The following ZBTB7C variants were observed in gnomAD, a reference collection of about 807,000 sequenced individuals.
ZBTB7C encodes zinc finger and BTB domain-containing protein 7C.
ZBTB7C carries 8 observed loss-of-function variants against 25.7 expected under a neutral mutation model. The observed-to-expected ratio is 0.31, with a 90% CI of 0.18 to 0.56. The LOEUF is 0.56. ZBTB7C is among the 20% of genes least tolerant of loss of function. ZBTB7C has a pLI of 0.91. For synonymous variants in ZBTB7C, 394 were observed against 369.0 expected (o/e 1.07, Z -0.78); for missense variants, 824 against 855.2 (o/e 0.96, Z 0.46).
intron 3 of ZBTB7C, among the ~76,000 whole-genome samples, chr18:48,102,194 A>G (rs984063390): frequency 5.3e-5 from 8 of 152,174 alleles, no homozygotes; most frequent in African/African-American, 7.2e-5. Flanking sequence ...GTCATCATCA[A>G]AATGCCATGC....
Position 48,265,422 on chromosome 18 carries a change from T to C in ZBTB7C, c.-79+72752A>G, listed in dbSNP as rs75935802. Among the ~76,000 whole-genome samples, 378 of 152,346 alleles carry C rather than the reference T, an allele frequency of 2.5e-3. 5 individuals carry two copies. Among genetic ancestry groups the C allele is most frequent in the East Asian group, 0.022 (113 of 5,182 alleles). On this transcript the variant is annotated intron_variant, in intron 2 of 4. Transcript: ENST00000590800. Reference sequence around the variant, plus strand: ...TGAAGCTAGAACACGGGAGTTCAAGTCTTGGTTCATCTCGGATTTTCGCTT... The same window carrying C: ...TGAAGCTAGAACACGGGAGTTCAAGCCTTGGTTCATCTCGGATTTTCGCTT...
intron 2 of ZBTB7C, among the ~76,000 whole-genome samples, chr18:48,235,990 G>A (rs2043368995): frequency 6.6e-6 from 1 of 152,154 alleles, no homozygotes; most frequent in African/African-American, 2.4e-5. Flanking sequence ...AAAATCCTCA[G>A]CCATTTTCTC....
chr18:48,251,957 G>A (rs560317652), intron 2 of ZBTB7C, among the ~76,000 whole-genome samples: 8 of 152,170 alleles, frequency 5.3e-5, no homozygotes, highest in East Asian at 3.9e-4. Flanking sequence ...GTGTGTCCAC[G>A]CTCTCAATTT....
intron 1 of ZBTB7C, among the ~76,000 whole-genome samples, chr18:48,349,451 C>T (rs578065422): frequency 6.6e-6 from 1 of 152,172 alleles, no homozygotes; most frequent in East Asian, 1.9e-4. Context: ...TATGTTCTGT[C>T]CTGTTGAGAT....
intron 2 of ZBTB7C, among the ~76,000 whole-genome samples, chr18:48,337,592 C>T (rs900468855): frequency 1.3e-5 from 2 of 152,372 alleles, no homozygotes; most frequent in Non-Finnish European, 2.9e-5. Context: ...CTCATTACCT[C>T]ATCCACCTTT....
intron 2 of ZBTB7C, among the ~76,000 whole-genome samples, chr18:48,258,844 G>A (rs1006987545): frequency 2.6e-5 from 4 of 152,062 alleles, no homozygotes; most frequent in African/African-American, 9.7e-5. Flanking sequence ...TTTTAGTAGA[G>A]ACGGGTTTTG....
chr18:48,336,033 A>C (rs2046450194), intron 2 of ZBTB7C, among the ~76,000 whole-genome samples: 1 of 152,154 alleles, frequency 6.6e-6, no homozygotes, highest in African/African-American at 2.4e-5. Flanking sequence ...GTTGGAAGAC[A>C]AGGAGTCAAG....
In ZBTB7C at chr18:48,271,100, A is replaced by C. The variant is rs570788213; in HGVS notation, c.-79+67074T>G. 3.3e-5 allele frequency among the ~76,000 whole-genome samples: 5 copies of C among 152,312 alleles called. No individual in the cohort carries two copies. The East Asian group carries it at 9.6e-4, about 29-fold the overall frequency. ...CACAAACAAAACCAAGCTGATAAAA[A>C]TCTGCACCTCCCTCCTCAAAGGCAC... is the stretch of plus-strand genomic sequence containing the variant. On this transcript the variant is annotated intron_variant, in intron 2 of 4. Transcript: ENST00000590800.
intron 1 of ZBTB7C, among the ~76,000 whole-genome samples, chr18:48,358,289 T>C (rs1216427302): frequency 6.6e-6 from 1 of 151,902 alleles, no homozygotes; most frequent in Non-Finnish European, 1.5e-5. Context: ...GAGGTGGAGG[T>C]TGCAATGGGC....
chr18:48,050,865 A>G (rs2144243946), intron 3 of ZBTB7C, among the ~76,000 whole-genome samples: 1 of 152,248 alleles, frequency 6.6e-6, no homozygotes, highest in South Asian at 2.1e-4. Flanking sequence ...GTTGAGCTTT[A>G]CTTTCAGGAA....
intron 3 of ZBTB7C, among the ~76,000 whole-genome samples, chr18:48,086,485 C>G (rs1461291853): frequency 6.6e-6 from 1 of 152,208 alleles, no homozygotes; most frequent in African/African-American, 2.4e-5. Flanking sequence ...GTTTCCCTAA[C>G]ACCCCGTGTA....
chr18:48,138,050 TG>T (rs2040228603), intron 3 of ZBTB7C, among the ~76,000 whole-genome samples: 1 of 152,226 alleles, frequency 6.6e-6, no homozygotes, highest in Admixed American at 6.5e-5. Context: ...TTCTCAGAAA[TG>T]GGGGAAGCGC....
chr18:48,395,068 G>C (rs531859967), intron 1 of ZBTB7C, among the ~76,000 whole-genome samples: 5 of 152,064 alleles, frequency 3.3e-5, no homozygotes, highest in African/African-American at 9.6e-5. Flanking sequence ...ATCAGGAAGG[G>C]TCACTAAGCT....
chr18:48,234,241 T>C (rs2043322874), intron 2 of ZBTB7C, among the ~76,000 whole-genome samples: 1 of 152,184 alleles, frequency 6.6e-6, no homozygotes, highest in Non-Finnish European at 1.5e-5. Flanking sequence ...CGTTATTATA[T>C]ACTATACCAT....
At chr18:48,201,426 A>AC (rs2042444780) in intron 2 of ZBTB7C, among the ~76,000 whole-genome samples, 1 of 152,078 alleles carries the variant, frequency 6.6e-6, no homozygotes, top group African/African-American at 2.4e-5. Context: ...TCTGATGTCC[A>AC]TTCCTGTGAT....
Position 48,161,690 on chromosome 18 carries a change from T to TGCCCGGCCCG in ZBTB7C, c.-17+24234_-17+24243dup, listed in dbSNP as rs1257087477. On this transcript the variant is annotated intron_variant, in intron 3 of 4. Transcript: ENST00000590800. ...CCCCTTCCTGCAGCGTTCACTCGGC[T>TGCCCGGCCCG]GCCCGGCCCGGCCCGGCCCGGGCGC... is the stretch of plus-strand genomic sequence containing the variant. 9.3e-5 allele frequency among the ~76,000 whole-genome samples: 13 copies of TGCCCGGCCCG among 140,364 alleles called. No individual in the cohort carries two copies. In the East Asian group the frequency reaches 9.8e-4, roughly 11 times the overall value. The allele number at this position is 140,364 out of a possible 152,430, so 92.1% of individuals were successfully genotyped here. A position where few individuals can be genotyped will look rare whatever the true frequency, so the allele number is the denominator to read the frequency against.
rs756378088 is a variant in ZBTB7C at position 48,041,060 on chromosome 18, G to A, written c.48C>T (p.His16=). The A allele has an allele frequency of 2.7e-5, 44 of 1,610,400 alleles. 1 individual carries two copies. In the Admixed American group the frequency reaches 6.8e-4, roughly 25 times the overall value. The change falls in exon 4 of 5, where the codon CAC becomes CAT. Residue 16 remains histidine (H), a synonymous_variant. Coordinates refer to ENST00000590800, the MANE Select transcript of ZBTB7C (RefSeq NM_001318841.2). ...TGAGGCTGCACAGGACCTCACTGCT[G>A]TGGTTGGGGAAGGGAATGCCAATGA... ...DELIGIPFPN[H]SSEVLCSLNE...
chr18:48,088,251 G>A (rs59683241), intron 3 of ZBTB7C: 1 of 152,232 alleles, frequency 6.6e-6, no homozygotes, highest in Admixed American at 6.5e-5. Context: ...ATAGACTCCA[G>A]TTACCTTGGC....
chr18:48,350,352 T>C (rs1007528662), intron 1 of ZBTB7C, among the ~76,000 whole-genome samples: 5 of 152,204 alleles, frequency 3.3e-5, no homozygotes, highest in African/African-American at 1.2e-4. Context: ...GCTAGAAGCA[T>C]AGCATCTCTC....
Sources: gnomAD v4.1 joint callset for allele counts (sites outside exome capture counted in the v4.1 genomes callset) on GRCh38, gnomAD v4.1.1 for gene constraint, MANE v1.5 for transcripts, NCBI Gene and HGNC (gene_info 2026-07-23, HGNC 2026-07-21) for gene names.